The following NEDD4L variants were observed in gnomAD, a reference collection of about 807,000 sequenced individuals.
NEDD4L encodes the protein E3 ubiquitin-protein ligase NEDD4-like.
In NEDD4L, 54 loss-of-function variants were observed where a neutral mutation model predicts 148.9. That is an observed-to-expected ratio of 0.36 (90% CI 0.29 to 0.45). NEDD4L has a LOEUF of 0.45. NEDD4L is among the 20% of genes least tolerant of loss of function. NEDD4L has a pLI of 1.00. For missense variants in NEDD4L, 856 were observed against 1,233.8 expected (o/e 0.69, Z 4.59); for synonymous variants, 433 against 440.7 (o/e 0.98, Z 0.22).
At chr18:58,048,219 G>A (rs1461837971) in intron 1 of NEDD4L, among the ~76,000 whole-genome samples, 7 of 152,062 alleles carry the variant, frequency 4.6e-5, no homozygotes, top group Non-Finnish European at 8.8e-5. Context: ...TCTGCTTATA[G>A]GTGCCAGTCA....
intron 1 of NEDD4L, among the ~76,000 whole-genome samples, chr18:58,153,074 AG>A (rs1181111352): frequency 6.6e-6 from 1 of 152,208 alleles, no homozygotes; most frequent in Non-Finnish European, 1.5e-5. Context: ...TTTGATGTTC[AG>A]ACACCTGGCC....
intron 1 of NEDD4L, among the ~76,000 whole-genome samples, chr18:58,050,157 A>C (rs1385740600): frequency 6.6e-6 from 1 of 152,272 alleles, no homozygotes; most frequent in East Asian, 1.9e-4. Context: ...TAAGGAATAA[A>C]AATAATTTTG....
intron 1 of NEDD4L, among the ~76,000 whole-genome samples, chr18:58,071,971 G>A (rs889286053): frequency 5.9e-5 from 9 of 152,168 alleles, no homozygotes; most frequent in Non-Finnish European, 8.8e-5. Flanking sequence ...GGTGAGATTT[G>A]GGTGGGGACA....
chr18:58,117,985 G>T (rs1376539336), intron 1 of NEDD4L, among the ~76,000 whole-genome samples: 1 of 152,222 alleles, frequency 6.6e-6, no homozygotes, highest in Non-Finnish European at 1.5e-5. Context: ...AGTATGCTTA[G>T]TGTGAATGAC....
chr18:58,129,730 T>C (rs921130216), intron 1 of NEDD4L, among the ~76,000 whole-genome samples: 4 of 152,264 alleles, frequency 2.6e-5, no homozygotes, highest in Non-Finnish European at 5.9e-5. Flanking sequence ...TTGGTTGCGA[T>C]CCAGCAGAAC....
At chr18:58,060,129 G>C (rs1652724128) in intron 1 of NEDD4L, among the ~76,000 whole-genome samples, 1 of 88,208 alleles carries the variant, frequency 1.1e-5, no homozygotes, top group East Asian at 3.5e-4. Context: ...TCAAGCAGGG[G>C]TTGGTTGGGG....
chr18:58,077,126 C>T (rs1406733634), intron 1 of NEDD4L, among the ~76,000 whole-genome samples: 3 of 140,636 alleles, frequency 2.1e-5, no homozygotes, highest in East Asian at 2.3e-4. Context: ...GCTGGGATTA[C>T]AGGCGTGAGC....
At chr18:58,183,132 G>A (rs1341949353) in intron 2 of NEDD4L, among the ~76,000 whole-genome samples, 1 of 152,240 alleles carries the variant, frequency 6.6e-6, no homozygotes, top group Non-Finnish European at 1.5e-5. Context: ...AGTCACTGAA[G>A]AAATGAGGGT....
chr18:58,375,119 C>T (rs1308159644), intron 24 of NEDD4L, among the ~76,000 whole-genome samples: 1 of 151,940 alleles, frequency 6.6e-6, no homozygotes, highest in East Asian at 1.9e-4. Context: ...ATCTCCCTCT[C>T]TCCTCATGCC....
chr18:58,255,854 A>C, intron 5 of NEDD4L: 1 of 1,232,384 alleles, frequency 8.1e-7, no homozygotes, highest in Non-Finnish European at 1.0e-6. Flanking sequence ...GAGCTCGTCC[A>C]TGTTCATCCC....
In NEDD4L at chr18:58,256,597, G is replaced by C; in HGVS notation, c.297+4543G>C. The C allele has an allele frequency of 8.1e-7, 1 of 1,232,284 alleles. No homozygotes were observed. Among genetic ancestry groups the C allele is most frequent in the Non-Finnish European group, 1.0e-6 (1 of 988,072 alleles). 76.3% of individuals were successfully genotyped at this position (1,232,284 alleles called of 1,614,324 possible). A position where few individuals can be genotyped will look rare whatever the true frequency, so the allele number is the denominator to read the frequency against. ...GCAGGATGGCTCCTGAAATCCGCAG[G>C]ACGAACTCCGCGGAGAGGACTCCGC... is the stretch of plus-strand genomic sequence containing the variant. On this transcript the variant is annotated intron_variant, in intron 5 of 30. Coordinates refer to ENST00000400345, the MANE Select transcript of NEDD4L (RefSeq NM_001144967.3). This position sits in a 1 kb window ranked among gnomAD's most constrained non-coding sequence, Gnocchi z 5.2.
chr18:58,285,825 T>G (rs59144145), intron 5 of NEDD4L, among the ~76,000 whole-genome samples: 61 of 152,386 alleles, frequency 4.0e-4, no homozygotes, highest in African/African-American at 1.4e-3. Context: ...ATGAACTTTA[T>G]AGCCAGTTGT....
intron 5 of NEDD4L, among the ~76,000 whole-genome samples, chr18:58,297,591 C>T (rs1443715695): frequency 6.6e-6 from 1 of 152,106 alleles, no homozygotes; most frequent in East Asian, 1.9e-4. Context: ...AAATAGGAGA[C>T]TTTGTAGGCT....
intron 5 of NEDD4L, among the ~76,000 whole-genome samples, chr18:58,252,792 GC>G (rs1446005049): frequency 6.6e-6 from 1 of 152,112 alleles, no homozygotes; most frequent in Non-Finnish European, 1.5e-5. Context: ...TGCAGTCGTA[GC>G]TCACTGTAAC....
intron 6 of NEDD4L, among the ~76,000 whole-genome samples, chr18:58,321,980 A>G (rs1051504457): frequency 6.6e-6 from 1 of 152,212 alleles, no homozygotes; most frequent in East Asian, 1.9e-4. Context: ...CAATTCTCTT[A>G]GGCTGATGTT....
At chr18:58,209,116 G>C (rs1050465569) in intron 2 of NEDD4L, among the ~76,000 whole-genome samples, 1 of 149,896 alleles carries the variant, frequency 6.7e-6, no homozygotes, top group Non-Finnish European at 1.5e-5. Context: ...ATAGATAAGA[G>C]ATTATAGTTC....
intron 1 of NEDD4L, among the ~76,000 whole-genome samples, chr18:58,075,400 C>T (rs1419388889): frequency 6.6e-6 from 1 of 152,162 alleles, no homozygotes; most frequent in Non-Finnish European, 1.5e-5. Flanking sequence ...ATCCACCCTC[C>T]TCAGCCCCAC....
chr18:58,288,733 G>A (rs2054275421), intron 5 of NEDD4L, among the ~76,000 whole-genome samples: 1 of 152,082 alleles, frequency 6.6e-6, no homozygotes, highest in Admixed American at 6.6e-5. Flanking sequence ...AGTGAAATGT[G>A]TTTTGAACCT....
At chr18:58,383,112 T>C (rs1466420707) in intron 24 of NEDD4L, 134 bp from the exon 25 acceptor site, 3 of 616,772 alleles carry the variant, frequency 4.9e-6, no homozygotes, top group Non-Finnish European at 8.8e-6. Flanking sequence ...CATTCTCTTG[T>C]GCACAGAGCC....
Sources: allele counts gnomAD v4.1 joint callset (sites outside exome capture counted in the v4.1 genomes callset), GRCh38; gene constraint gnomAD v4.1.1; non-coding constraint Gnocchi (gnomAD v3.1); transcripts MANE v1.5; gene names NCBI Gene and HGNC (gene_info 2026-07-23, HGNC 2026-07-21).